The following AGBL4 variants were observed in gnomAD, a reference collection of about 807,000 sequenced individuals.
AGBL4 encodes the protein cytosolic carboxypeptidase 6.
AGBL4 carries 58 observed loss-of-function variants against 66.4 expected under a neutral mutation model. The ratio of observed to expected loss-of-function variants is 0.87; its 90% confidence interval spans 0.71 to 1.09. AGBL4 has a LOEUF of 1.09. AGBL4 is among the 50% of genes least tolerant of loss of function. AGBL4 has a pLI of 0.00. For missense variants in AGBL4, 579 were observed against 631.0 expected, an observed-to-expected ratio of 0.92 and a Z score of 0.88; for synonymous variants, 234 against 222.9, an observed-to-expected ratio of 1.05 and a Z score of -0.44.
intron 3 of AGBL4, among the ~76,000 whole-genome samples, chr1:49,556,398 G>T (rs1013273161): frequency 6.6e-6 from 1 of 151,822 alleles, no homozygotes; most frequent in Admixed American, 6.6e-5. Context: ...AAGGGGGCAG[G>T]AATAGTATTA....
At chr1:49,468,739 T>C (rs547659160) in intron 3 of AGBL4, among the ~76,000 whole-genome samples, 25 of 151,962 alleles carry the variant, frequency 1.6e-4, no homozygotes, top group African/African-American at 5.8e-4. Context: ...TGGAGACCTT[T>C]AGAGAGTTCT....
intron 3 of AGBL4, among the ~76,000 whole-genome samples, chr1:49,626,782 A>C (rs548750159): frequency 6.6e-6 from 1 of 152,154 alleles, no homozygotes; most frequent in Admixed American, 6.6e-5. Flanking sequence ...CCTTGTGGCT[A>C]CTCCATTCAT....
chr1:49,938,506 A>AT lies in AGBL4; in HGVS notation c.34+85256_34+85257insA, dbSNP rs536991426. On this transcript the variant is annotated intron_variant, in intron 1 of 13. Coordinates refer to ENST00000371839, the MANE Select transcript of AGBL4 (RefSeq NM_032785.4). ...CCCTAACTCATTTTATGAGGACAGC[A>AT]CATCCTGATACCAAAGCCGGGCAGA... is the stretch of plus-strand genomic sequence containing the variant. 3.4e-4 allele frequency among the ~76,000 whole-genome samples: 52 copies of AT among 152,310 alleles called. 1 individual carries two copies. In the South Asian group the frequency reaches 9.5e-3, roughly 28 times the overall value.
intron 2 of AGBL4, among the ~76,000 whole-genome samples, chr1:49,851,039 G>A (rs889343947): frequency 4.6e-5 from 7 of 152,060 alleles, no homozygotes; most frequent in African/African-American, 1.4e-4. Context: ...AAGTTCTACT[G>A]TAAGCATGTC....
chr1:49,347,616 T>C (rs189002706), intron 3 of AGBL4, among the ~76,000 whole-genome samples: 82 of 152,136 alleles, frequency 5.4e-4, no homozygotes, highest in African/African-American at 1.8e-3. Context: ...TCCCAGCACG[T>C]TGGGAGGCTC....
chr1:49,729,428 C>T (rs1649264275), intron 2 of AGBL4, among the ~76,000 whole-genome samples: 1 of 151,688 alleles, frequency 6.6e-6, no homozygotes, highest in Non-Finnish European at 1.5e-5. Flanking sequence ...TGAAATATTC[C>T]AAAAAAAGTT....
At chr1:49,440,936 T>C (rs1446400193) in intron 3 of AGBL4, among the ~76,000 whole-genome samples, 1 of 152,082 alleles carries the variant, frequency 6.6e-6, no homozygotes, top group East Asian at 1.9e-4. Context: ...CCATCCCCAG[T>C]AGTGGCAACA....
chr1:49,931,577 C>T (rs1653367235), intron 1 of AGBL4, among the ~76,000 whole-genome samples: 1 of 152,066 alleles, frequency 6.6e-6, no homozygotes, highest in African/African-American at 2.4e-5. Context: ...GAAATTCGCC[C>T]CCATAATCCA....
intron 11 of AGBL4, among the ~76,000 whole-genome samples, chr1:48,567,773 C>G (rs2148309950): frequency 6.6e-6 from 1 of 152,252 alleles, no homozygotes; most frequent in Non-Finnish European, 1.5e-5. Context: ...AGGGCTGGAC[C>G]CTCACAGTGC....
chr1:49,513,163 G>A (rs1438302230), intron 3 of AGBL4, among the ~76,000 whole-genome samples: 3 of 152,042 alleles, frequency 2.0e-5, no homozygotes, highest in Non-Finnish European at 4.4e-5. Flanking sequence ...GTTCTTTCTA[G>A]TATAAATCTG....
intron 3 of AGBL4, among the ~76,000 whole-genome samples, chr1:49,318,261 A>T (rs1645073537): frequency 6.6e-6 from 1 of 151,948 alleles, no homozygotes. Flanking sequence ...AAATATAATA[A>T]AATATTTTTA....
At chr1:49,685,249 G>A (rs188592501) in intron 3 of AGBL4, among the ~76,000 whole-genome samples, 74 of 152,294 alleles carry the variant, frequency 4.9e-4, no homozygotes, top group African/African-American at 1.6e-3. Flanking sequence ...CTGCACAGTA[G>A]TCGTGTATAC....
chr1:49,961,362 G>C (rs1200436609), intron 1 of AGBL4, among the ~76,000 whole-genome samples: 6 of 151,818 alleles, frequency 4.0e-5, no homozygotes, highest in Admixed American at 3.3e-4. Context: ...TAAATTATCT[G>C]AGTTTAGTGG....
At chr1:48,852,538 G>C (rs1286668856) in intron 6 of AGBL4, among the ~76,000 whole-genome samples, 2 of 152,146 alleles carry the variant, frequency 1.3e-5, no homozygotes, top group East Asian at 3.9e-4. Context: ...AAAGAACTGT[G>C]ATATAAGCTG....
intron 11 of AGBL4, among the ~76,000 whole-genome samples, chr1:48,576,874 A>G (rs1286665058): frequency 5.9e-5 from 9 of 152,212 alleles, no homozygotes; most frequent in Admixed American, 5.9e-4. Context: ...CTGTTGATCA[A>G]TATCAAACTT....
At chr1:49,998,847 G>A (rs530161088) in intron 1 of AGBL4, among the ~76,000 whole-genome samples, 13 of 152,150 alleles carry the variant, frequency 8.5e-5, no homozygotes, top group South Asian at 2.1e-4. Flanking sequence ...TGATTATCTC[G>A]ATAGATGCAG....
chr1:48,583,162 T>A (rs1045760995), intron 11 of AGBL4, among the ~76,000 whole-genome samples: 4 of 152,188 alleles, frequency 2.6e-5, no homozygotes, highest in Non-Finnish European at 5.9e-5. Context: ...GACCCTCAAC[T>A]GTGATGACCC....
intron 1 of AGBL4, among the ~76,000 whole-genome samples, chr1:49,913,612 C>G (rs990999874): frequency 2.0e-5 from 3 of 152,250 alleles, no homozygotes; most frequent in African/African-American, 7.2e-5. Context: ...TGGCCCCATA[C>G]CATGGTTTCA....
chr1:49,050,183 C>A (rs1028408336), intron 4 of AGBL4, among the ~76,000 whole-genome samples: 1 of 152,170 alleles, frequency 6.6e-6, no homozygotes, highest in Middle Eastern at 3.4e-3. Context: ...AGTTCAGCAT[C>A]CTGAGGACAT....
Sources: gnomAD v4.1 joint callset for allele counts (sites outside exome capture counted in the v4.1 genomes callset) on GRCh38, gnomAD v4.1.1 for gene constraint, MANE v1.5 for transcripts, NCBI Gene and HGNC (gene_info 2026-07-23, HGNC 2026-07-21) for gene names.